The following PCBP3 variants were observed in gnomAD, a reference collection of about 807,000 sequenced individuals.
PCBP3 encodes poly(rC)-binding protein 3.
Under a neutral mutation model 52.7 loss-of-function variants are expected in PCBP3, and 25 were observed. The ratio of observed to expected loss-of-function variants is 0.47; its 90% CI spans 0.35 to 0.66. The LOEUF is 0.66. PCBP3 is among the 30% of genes least tolerant of loss of function. PCBP3 has a pLI of 0.01. For missense variants in PCBP3, 391 were observed against 490.3 expected (o/e 0.80, Z 1.91); for synonymous variants, 162 against 183.0 (o/e 0.89, Z 0.93).
chr21:45,720,263 C>T (rs927283956), intron 2 of PCBP3, among the ~76,000 whole-genome samples: 6 of 152,058 alleles, frequency 3.9e-5, no homozygotes, highest in Non-Finnish European at 7.4e-5. Flanking sequence ...TGTTCCCCTC[C>T]CTGTGCCTAT....
At chr21:45,664,538 TATA>T (rs1019529843) in intron 1 of PCBP3, among the ~76,000 whole-genome samples, 1 of 151,794 alleles carries the variant, frequency 6.6e-6, no homozygotes, top group Admixed American at 6.6e-5. Context: ...GGACTAAAAT[TATA>T]ATAACATTAG....
chr21:45,865,894 T>G (rs1200507534), intron 5 of PCBP3, among the ~76,000 whole-genome samples: 1 of 151,978 alleles, frequency 6.6e-6, no homozygotes, highest in Non-Finnish European at 1.5e-5. Context: ...AAAGAAACAT[T>G]TTCACCCCAG....
intron 17 of PCBP3, 126 bp from the exon 18 acceptor site, chr21:45,941,544 T>G: frequency 1.3e-6 from 1 of 787,000 alleles, no homozygotes; most frequent in Middle Eastern, 2.4e-4. Context: ...GCTCAGGACC[T>G]CCTGAGCTGA....
At chr21:45,659,500 C>G (rs1012031664) in intron 1 of PCBP3, among the ~76,000 whole-genome samples, 1 of 151,748 alleles carries the variant, frequency 6.6e-6, no homozygotes, top group African/African-American at 2.4e-5. Flanking sequence ...TAGGTGCATT[C>G]CCCTACACCT....
At chr21:45,908,203 G>A (rs1474030639) in intron 9 of PCBP3, among the ~76,000 whole-genome samples, 3 of 152,218 alleles carry the variant, frequency 2.0e-5, no homozygotes, top group African/African-American at 7.2e-5. Flanking sequence ...TCCAGTTGCA[G>A]TGACTCCATT....
chr21:45,869,609 G>A (rs2094916859), intron 5 of PCBP3, among the ~76,000 whole-genome samples: 2 of 152,198 alleles, frequency 1.3e-5, no homozygotes, highest in African/African-American at 4.8e-5. Flanking sequence ...CATGTGGGCT[G>A]CAGCCCTCAG....
At position 45,743,968 on chromosome 21, in the gene PCBP3, A is replaced by G. The variant is rs17004800; in HGVS notation, c.-162+8539A>G. Among the ~76,000 whole-genome samples, 873 of 152,102 alleles carry G rather than the reference A, an allele frequency of 5.7e-3. 7 individuals are homozygous for G. Among genetic ancestry groups the G allele is most frequent in the African/African-American group, 0.02 (816 of 41,494 alleles). Reference sequence around the variant, plus strand: ...ATCAAAGCTGCTAAGCCTGGAGCCTATTTTGGAGACTGATTTTTTAGTGTC... The same window carrying G: ...ATCAAAGCTGCTAAGCCTGGAGCCTGTTTTGGAGACTGATTTTTTAGTGTC... On this transcript the variant is annotated intron_variant, in intron 3 of 17. Transcript: ENST00000681687.
At chr21:45,770,113 C>T (rs2089737400) in intron 4 of PCBP3, among the ~76,000 whole-genome samples, 2 of 152,190 alleles carry the variant, frequency 1.3e-5, no homozygotes, top group Non-Finnish European at 2.9e-5. Context: ...CGACGGCGAC[C>T]CGGCCTCCCT....
At chr21:45,893,050 G>A (rs147441942) in intron 5 of PCBP3, among the ~76,000 whole-genome samples, 3 of 152,254 alleles carry the variant, frequency 2.0e-5, no homozygotes, top group Non-Finnish European at 2.9e-5. Flanking sequence ...ATGATGGAGC[G>A]AGGACTGAGT....
At chr21:45,679,078 ATTT>A (rs34808106) in intron 2 of PCBP3, among the ~76,000 whole-genome samples, 20 of 120,808 alleles carry the variant, frequency 1.7e-4, no homozygotes, top group Admixed American at 2.5e-4. Context: ...GATTGTTAGC[ATTT>A]TTTTTTTTTT....
chr21:45,922,775 T>C (rs548528838), intron 13 of PCBP3, among the ~76,000 whole-genome samples: 2 of 152,320 alleles, frequency 1.3e-5, no homozygotes, highest in South Asian at 4.1e-4. Context: ...TGGGGCCAGT[T>C]CCACACACGA....
intron 2 of PCBP3, among the ~76,000 whole-genome samples, chr21:45,706,608 A>G (rs1469737180): frequency 6.6e-6 from 1 of 152,206 alleles, no homozygotes; most frequent in African/African-American, 2.4e-5. Flanking sequence ...AATTTAGGAA[A>G]GATTTTTGGC....
intron 2 of PCBP3, among the ~76,000 whole-genome samples, chr21:45,725,298 T>C (rs1008812128): frequency 6.6e-6 from 1 of 152,062 alleles, no homozygotes; most frequent in Non-Finnish European, 1.5e-5. Flanking sequence ...TTTCTGATGG[T>C]GGTTTTTTTT....
rs768482931 is a variant in PCBP3 at position 45,735,028 on chromosome 21, G to A, written c.-199-364G>A. ...TGGGTGTTCTGGGCTGTCCCGTCCC[G>A]TATACTCTCCCTGTGTTCTTACCTT... On this transcript the variant is annotated intron_variant, in intron 2 of 17. Transcript: ENST00000681687. The surrounding 1 kb of genome is among the most constrained non-coding windows in gnomAD (Gnocchi z 4.0). 5.8e-4 allele frequency among the ~76,000 whole-genome samples: 89 copies of A among 152,154 alleles called. No individual in the cohort carries two copies. Among genetic ancestry groups the A allele is most frequent in the Non-Finnish European group, 5.0e-4 (34 of 68,020 alleles).
chr21:45,679,784 A>G (rs2081719512), intron 2 of PCBP3, among the ~76,000 whole-genome samples: 1 of 152,236 alleles, frequency 6.6e-6, no homozygotes. Flanking sequence ...GTTTAGCCGT[A>G]GATCACAAAG....
At chr21:45,900,106 A>T (rs1231254156) in intron 7 of PCBP3, among the ~76,000 whole-genome samples, 9 of 152,228 alleles carry the variant, frequency 5.9e-5, no homozygotes, top group African/African-American at 2.2e-4. Context: ...TGTCTTCATC[A>T]CATTTTCACC....
intron 2 of PCBP3, among the ~76,000 whole-genome samples, chr21:45,713,060 CT>C (rs1162570391): frequency 3.3e-5 from 5 of 152,162 alleles, no homozygotes; most frequent in African/African-American, 1.2e-4. Context: ...TTACACTGAA[CT>C]ATTAATGCCT....
At chr21:45,832,358 C>A (rs912006379) in intron 4 of PCBP3, among the ~76,000 whole-genome samples, 5 of 152,086 alleles carry the variant, frequency 3.3e-5, no homozygotes, top group Non-Finnish European at 7.3e-5. Context: ...TCTTTATGAC[C>A]CTGTATCTTG....
chr21:45,885,456 A>G (rs1286053945), intron 5 of PCBP3, among the ~76,000 whole-genome samples: 1 of 152,100 alleles, frequency 6.6e-6, no homozygotes, highest in Non-Finnish European at 1.5e-5. Context: ...AGTTTTAGCC[A>G]TTATTTTTTC....
Sources: gnomAD v4.1 joint callset for allele counts (sites outside exome capture counted in the v4.1 genomes callset) on GRCh38, gnomAD v4.1.1 for gene constraint, Gnocchi (gnomAD v3.1) non-coding constraint, MANE v1.5 for transcripts, NCBI Gene and HGNC (gene_info 2026-07-23, HGNC 2026-07-21) for gene names.